RORA: variants seen among roughly 807,000 people sequenced by gnomAD.
RORA encodes the protein nuclear receptor ROR-alpha.
Under a neutral mutation model 69.5 loss-of-function variants are expected in RORA, and 7 were observed. The observed-to-expected ratio is 0.10, with a 90% CI of 0.06 to 0.19. The LOEUF is 0.19. RORA is among the 10% of genes least tolerant of loss of function. RORA has a pLI of 1.00. For missense variants in RORA, 457 were observed against 663.0 expected (o/e 0.69, Z 3.41); for synonymous variants, 261 against 240.8 (o/e 1.08, Z -0.78).
intron 1 of RORA, among the ~76,000 whole-genome samples, chr15:61,024,517 C>T (rs1895703203): frequency 1.3e-5 from 2 of 149,288 alleles, no homozygotes; most frequent in Non-Finnish European, 3.0e-5. Flanking sequence ...GTGGCATGAT[C>T]TTGGTTCATT....
At chr15:60,785,789 C>T (rs1345234252) in intron 1 of RORA, among the ~76,000 whole-genome samples, 1 of 152,222 alleles carries the variant, frequency 6.6e-6, no homozygotes, top group African/African-American at 2.4e-5. Flanking sequence ...TCCTCCCCTC[C>T]ATATTGAGGC....
intron 1 of RORA, among the ~76,000 whole-genome samples, chr15:61,142,912 A>T (rs995769981): frequency 2.6e-5 from 4 of 152,204 alleles, no homozygotes; most frequent in Non-Finnish European, 5.9e-5. Flanking sequence ...AGCCTAAATC[A>T]TACTAAATGA....
intron 1 of RORA, among the ~76,000 whole-genome samples, chr15:61,089,423 T>C (rs1566983094): frequency 6.6e-6 from 1 of 152,178 alleles, no homozygotes. Flanking sequence ...AATACACATA[T>C]ACACATGTGC....
At chr15:61,155,553 T>A (rs1266477409) in intron 1 of RORA, among the ~76,000 whole-genome samples, 1 of 152,148 alleles carries the variant, frequency 6.6e-6, no homozygotes, top group East Asian at 1.9e-4. Context: ...CCCTAGCTGT[T>A]TGGGGAGTTG....
intron 2 of RORA, chr15:60,558,386 A>G: frequency 1.2e-6 from 1 of 844,704 alleles, no homozygotes; most frequent in Non-Finnish European, 2.0e-6. Flanking sequence ...TTTATTACAA[A>G]ACAGGAACAT....
intron 2 of RORA, among the ~76,000 whole-genome samples, chr15:60,595,879 C>T (rs1249517269): frequency 1.3e-5 from 2 of 152,150 alleles, no homozygotes; most frequent in African/African-American, 4.8e-5. Context: ...CCAGGATGGT[C>T]ACAGCCCCAC....
chr15:61,139,787 G>A (rs938288781), intron 1 of RORA, among the ~76,000 whole-genome samples: 3 of 150,662 alleles, frequency 2.0e-5, no homozygotes, highest in Admixed American at 6.6e-5. Flanking sequence ...TCTGATAGGA[G>A]AAAAGAACCC....
chr15:61,043,614 C>A (rs1042607914), intron 1 of RORA, among the ~76,000 whole-genome samples: 1 of 152,082 alleles, frequency 6.6e-6, no homozygotes, highest in Non-Finnish European at 1.5e-5. Context: ...TGCACTGTGG[C>A]CTGGGTTTAT....
chr15:60,853,261 G>A (rs1272004273), intron 1 of RORA, among the ~76,000 whole-genome samples: 7 of 152,166 alleles, frequency 4.6e-5, no homozygotes, highest in East Asian at 1.9e-4. Context: ...ATCTGCAGCC[G>A]CAAAGGTCAG....
At chr15:61,195,033 C>A (rs1306768733) in intron 1 of RORA, among the ~76,000 whole-genome samples, 1 of 151,296 alleles carries the variant, frequency 6.6e-6, no homozygotes, top group Non-Finnish European at 1.5e-5. Flanking sequence ...GTTGTTATTT[C>A]AACATCACCA....
chr15:61,070,886 C>T (rs549168534), intron 1 of RORA, among the ~76,000 whole-genome samples: 9 of 152,166 alleles, frequency 5.9e-5, no homozygotes, highest in Middle Eastern at 6.8e-3. Flanking sequence ...TAGCTTCTAC[C>T]TGGAGATGCA....
At chr15:61,181,835 T>C (rs1187990186) in intron 1 of RORA, among the ~76,000 whole-genome samples, 1 of 152,080 alleles carries the variant, frequency 6.6e-6, no homozygotes, top group Non-Finnish European at 1.5e-5. Flanking sequence ...CAAACACCAG[T>C]AGCACTAGAG....
At chr15:60,725,833 C>T (rs1431946450) in intron 1 of RORA, among the ~76,000 whole-genome samples, 2 of 152,106 alleles carry the variant, frequency 1.3e-5, no homozygotes, top group African/African-American at 2.4e-5. Context: ...TAAATGTCCT[C>T]CACTGGGTCA....
rs199752865 is a variant in RORA, at chr15:61,167,482, ATTTTTTTTTTTTTTT to A, written c.166+61556_166+61570del. Reference sequence around the variant, plus strand: ...AAAGGATGCAAATAATTTGACCAGGATTTTTTTTTTTTTTTTTTTTTTTTTTTTTTTTTTTTTTTT... The same window carrying A: ...AAAGGATGCAAATAATTTGACCAGGATTTTTTTTTTTTTTTTTTTTTTTTT... On this transcript the variant is annotated intron_variant, in intron 1 of 10. Coordinates refer to ENST00000335670, the MANE Select transcript of RORA (RefSeq NM_134261.3). Among the ~76,000 whole-genome samples the A allele has an allele frequency of 7.7e-4, 103 of 133,668 alleles. 1 individual carries two copies. Among genetic ancestry groups the A allele is most frequent in the South Asian group, 4.0e-3 (16 of 3,984 alleles). 87.7% of individuals were successfully genotyped at this position (133,668 alleles called of 152,430 possible).
At chr15:61,193,778 T>C (rs1193057953) in intron 1 of RORA, among the ~76,000 whole-genome samples, 2 of 152,326 alleles carry the variant, frequency 1.3e-5, no homozygotes, top group East Asian at 3.9e-4. Flanking sequence ...GGCTCAATCA[T>C]TTTCTCAAGG....
chr15:61,143,392 T>C (rs1037815309), intron 1 of RORA, among the ~76,000 whole-genome samples: 26 of 152,180 alleles, frequency 1.7e-4, no homozygotes, highest in Admixed American at 3.9e-4. Flanking sequence ...CTAAATTTAA[T>C]GTGAATCCAA....
chr15:60,793,951 C>T (rs1469672253), intron 1 of RORA, among the ~76,000 whole-genome samples: 4 of 152,214 alleles, frequency 2.6e-5, no homozygotes, highest in Non-Finnish European at 4.4e-5. Flanking sequence ...GTTCCTGACT[C>T]AGACAGTGCA....
At chr15:61,113,818 T>C (rs1422632093) in intron 1 of RORA, among the ~76,000 whole-genome samples, 1 of 152,228 alleles carries the variant, frequency 6.6e-6, no homozygotes, top group Non-Finnish European at 1.5e-5. Context: ...TTTTAAGATG[T>C]CAAGTGCCAT....
At chr15:60,597,542 CACACACA>C (rs1596035614) in intron 2 of RORA, among the ~76,000 whole-genome samples, 8 of 64,158 alleles carry the variant, frequency 1.2e-4, no homozygotes, top group South Asian at 4.7e-4. Context: ...CACACACACA[CACACACA>C]ACATATATAT....
Sources: allele counts gnomAD v4.1 joint callset (sites outside exome capture counted in the v4.1 genomes callset), GRCh38; gene constraint gnomAD v4.1.1; transcripts MANE v1.5; gene names NCBI Gene and HGNC (gene_info 2026-07-23, HGNC 2026-07-21).